ARHGAP10: variants seen among roughly 807,000 people sequenced by gnomAD.
ARHGAP10 encodes rho GTPase-activating protein 10.
In ARHGAP10, 87 loss-of-function variants were observed where a neutral mutation model predicts 108.6. The observed-to-expected ratio is 0.80, with a 90% confidence interval of 0.67 to 0.96. ARHGAP10 has a LOEUF of 0.96. ARHGAP10 is among the 40% of genes least tolerant of loss of function. ARHGAP10 has a pLI of 0.00. For synonymous variants in ARHGAP10, 347 were observed against 341.1 expected (o/e 1.02, Z -0.19); for missense variants, 939 against 954.5 (o/e 0.98, Z 0.21).
chr4:147,778,701 G>C (rs1431287317), intron 1 of ARHGAP10, among the ~76,000 whole-genome samples: 1 of 152,048 alleles, frequency 6.6e-6, no homozygotes, highest in East Asian at 1.9e-4. Flanking sequence ...ATGATTCCTG[G>C]ATGTCGCTCC....
chr4:147,963,390 C>G (rs1466414677), intron 16 of ARHGAP10, among the ~76,000 whole-genome samples: 2 of 152,216 alleles, frequency 1.3e-5, no homozygotes, highest in Non-Finnish European at 2.9e-5. Context: ...CTAAGTGAAA[C>G]TACAAAACCG....
At chr4:147,818,083 T>C (rs1458832246) in intron 1 of ARHGAP10, among the ~76,000 whole-genome samples, 4 of 152,004 alleles carry the variant, frequency 2.6e-5, no homozygotes, top group Admixed American at 6.6e-5. Context: ...CCAGGACTTA[T>C]TACCAGCAGT....
At chr4:147,963,166 C>T (rs1739065886) in intron 16 of ARHGAP10, among the ~76,000 whole-genome samples, 1 of 152,242 alleles carries the variant, frequency 6.6e-6, no homozygotes, top group Admixed American at 6.5e-5. Flanking sequence ...CTGGCCTTTG[C>T]AGACCAGAGT....
intron 18 of ARHGAP10, among the ~76,000 whole-genome samples, chr4:147,988,498 C>T (rs956898165): frequency 2.6e-5 from 4 of 152,146 alleles, no homozygotes; most frequent in Admixed American, 6.5e-5. Context: ...CTCTATCTAG[C>T]TCTGAAGCTT....
At chr4:148,020,539 G>GTTTTTTTTTTTTTTTTTT (rs151004924) in intron 18 of ARHGAP10, among the ~76,000 whole-genome samples, 1 of 146,322 alleles carries the variant, frequency 6.8e-6, no homozygotes. Context: ...GAGAACATGC[G>GTTTTTTTTTTTTTTTTTT]TTTTTTGTTT....
At chr4:147,946,940 T>C (rs1738407751) in intron 15 of ARHGAP10, among the ~76,000 whole-genome samples, 1 of 152,176 alleles carries the variant, frequency 6.6e-6, no homozygotes, top group Non-Finnish European at 1.5e-5. Context: ...GAAATAGACA[T>C]TTTTTGTGGA....
chr4:147,994,838 G>A (rs1740410264), intron 18 of ARHGAP10, among the ~76,000 whole-genome samples: 1 of 152,218 alleles, frequency 6.6e-6, no homozygotes. Context: ...GGGGGGAAAT[G>A]ACCGCTAAGA....
intron 13 of ARHGAP10, among the ~76,000 whole-genome samples, chr4:147,926,303 G>A (rs1185523673): frequency 1.3e-5 from 2 of 152,098 alleles, no homozygotes; most frequent in Non-Finnish European, 2.9e-5. Flanking sequence ...AATTTGGGGA[G>A]TAATTCAGAT....
Position 148,039,368 on chromosome 4 carries a change from ATTTTTTTTTTTT to A in ARHGAP10, c.1868-7506_1868-7495del, listed in dbSNP as rs34876546. ...TTAATACTTTAAGAATACTACTTCAATTTTTTTTTTTTTTTTTTTTTTTTTTTTTGAGATAGA... is the reference window on the plus strand; with the variant it reads ...TTAATACTTTAAGAATACTACTTCAATTTTTTTTTTTTTTTTTGAGATAGA... On this transcript the variant is annotated intron_variant, in intron 19 of 22. Transcript: ENST00000336498. Among the ~76,000 whole-genome samples, 42 of 73,092 alleles carry A rather than the reference ATTTTTTTTTTTT, an allele frequency of 5.7e-4. 1 individual carries two copies. The highest frequency in any genetic ancestry group is 2.0e-3 in the African/African-American group (35 of 17,678). The allele number at this position is 73,092 out of a possible 152,430, so 48.0% of individuals were successfully genotyped here.
At chr4:147,901,133 A>G (rs72957795) in intron 10 of ARHGAP10, among the ~76,000 whole-genome samples, 5,482 of 152,288 alleles carry the variant, frequency 0.036, 322 homozygotes, top group African/African-American at 0.12. Flanking sequence ...AATGTGTCCA[A>G]TGTTTCTCAA....
At chr4:148,070,777 G>A (rs568828558) in intron 22 of ARHGAP10, among the ~76,000 whole-genome samples, 2 of 152,146 alleles carry the variant, frequency 1.3e-5, no homozygotes, top group Non-Finnish European at 2.9e-5. Flanking sequence ...GAGTTGGTCC[G>A]CTGGAGTAGC....
At chr4:147,795,352 T>C (rs546060275) in intron 1 of ARHGAP10, among the ~76,000 whole-genome samples, 228 of 152,348 alleles carry the variant, frequency 1.5e-3, no homozygotes, top group Non-Finnish European at 2.8e-3. Context: ...TGTCTTTTTA[T>C]ACCTCCTCTC....
At chr4:147,935,997 A>C (rs1737916389) in intron 13 of ARHGAP10, among the ~76,000 whole-genome samples, 1 of 152,202 alleles carries the variant, frequency 6.6e-6, no homozygotes, top group African/African-American at 2.4e-5. Context: ...TGCCGAAGTG[A>C]CATTCTTATT....
At chr4:147,836,529 G>A (rs1276771465) in intron 3 of ARHGAP10, among the ~76,000 whole-genome samples, 2 of 152,096 alleles carry the variant, frequency 1.3e-5, no homozygotes, top group African/African-American at 2.4e-5. Context: ...AAAGAATGAG[G>A]CATTATTCAA....
chr4:147,912,200 A>G (rs950472095), intron 12 of ARHGAP10, among the ~76,000 whole-genome samples: 1 of 152,078 alleles, frequency 6.6e-6, no homozygotes, highest in Non-Finnish European at 1.5e-5. Flanking sequence ...AAATATGTAT[A>G]CTATTGGTAA....
chr4:147,879,183 A>G, intron 8 of ARHGAP10, 49 bp from the exon 9 acceptor site: 2 of 1,515,810 alleles, frequency 1.3e-6, no homozygotes, highest in Non-Finnish European at 1.8e-6. Flanking sequence ...AGCTCTGCAA[A>G]TCTGCTTATT....
chr4:147,837,650 T>TG (rs1553955213), intron 3 of ARHGAP10, among the ~76,000 whole-genome samples: 1 of 112,006 alleles, frequency 8.9e-6, no homozygotes, highest in South Asian at 3.6e-4. Context: ...ACTGTTTTTT[T>TG]TTTTTTTTTT....
intron 10 of ARHGAP10, among the ~76,000 whole-genome samples, chr4:147,897,963 C>T (rs760845707): frequency 1.3e-5 from 2 of 152,164 alleles, no homozygotes; most frequent in Non-Finnish European, 2.9e-5. Flanking sequence ...ACGCCATTCT[C>T]CTGCCTCAGC....
At chr4:147,800,221 T>C (rs1731521788) in intron 1 of ARHGAP10, among the ~76,000 whole-genome samples, 1 of 152,196 alleles carries the variant, frequency 6.6e-6, no homozygotes, top group Non-Finnish European at 1.5e-5. Context: ...CTGAGGGACT[T>C]TCCTGACTGT....
Sources: gnomAD v4.1 joint callset for allele counts (sites outside exome capture counted in the v4.1 genomes callset) on GRCh38, gnomAD v4.1.1 for gene constraint, MANE v1.5 for transcripts, NCBI Gene and HGNC (gene_info 2026-07-23, HGNC 2026-07-21) for gene names.